PLA2G4C: variants seen among roughly 807,000 people sequenced by gnomAD.
PLA2G4C encodes cytosolic phospholipase A2 gamma.
A neutral mutation model predicts 73.8 loss-of-function variants in PLA2G4C; 64 were observed. The ratio of observed to expected loss-of-function variants is 0.87; its 90% CI spans 0.71 to 1.07. PLA2G4C has a LOEUF of 1.07. PLA2G4C is among the 50% of genes least tolerant of loss of function. The probability of loss-of-function intolerance (pLI) is 0.00; values close to 1 mark genes in which losing one functional copy is unlikely to be tolerated. For missense variants in PLA2G4C, 622 were observed against 665.4 expected, an observed-to-expected ratio of 0.93 and a Z score of 0.72; for synonymous variants, 254 against 252.1, an observed-to-expected ratio of 1.01 and a Z score of -0.07.
Position 48,055,035 on chromosome 19 carries a change from G to C in PLA2G4C, c.1272C>G (p.Thr424=). The C allele has an allele frequency of 6.2e-7, 1 of 1,609,220 alleles. No individual in the cohort carries two copies. The highest frequency in any genetic ancestry group is 8.5e-7 in the Non-Finnish European group (1 of 1,178,098). ...AGDPFETIRA[T]TDYCRRHKIP... Reference sequence around the variant, plus strand: ...TCTTGTGGCGGCGGCAGTAGTCAGTGGTAGCCCGGATGGTCTGAGAAGGAG... The same window carrying C: ...TCTTGTGGCGGCGGCAGTAGTCAGTCGTAGCCCGGATGGTCTGAGAAGGAG... Residue 424 remains threonine (T), a synonymous_variant, in exon 15 of 17, where the codon ACC becomes ACG. Coordinates refer to ENST00000599921, the MANE Select transcript of PLA2G4C (RefSeq NM_003706.3).
chr19:48,084,079 T>TGTGTGTGTGTGA (rs1230183341), intron 10 of PLA2G4C, among the ~76,000 whole-genome samples: 2 of 145,938 alleles, frequency 1.4e-5, no homozygotes, highest in South Asian at 2.2e-4. Context: ...TGTGTGTGTG[T>TGTGTGTGTGTGA]GATGGAGTCT....
chr19:48,076,009 A>C (rs1355924558), intron 11 of PLA2G4C, among the ~76,000 whole-genome samples: 1 of 152,240 alleles, frequency 6.6e-6, no homozygotes, highest in Non-Finnish European at 1.5e-5. Flanking sequence ...AACCCAGAAG[A>C]GGGTTCCCCA....
chr19:48,055,410 T>TATATATATATATATA (rs201946576), intron 14 of PLA2G4C, among the ~76,000 whole-genome samples: 14 of 148,338 alleles, frequency 9.4e-5, no homozygotes, highest in African/African-American at 3.1e-4. Context: ...TATATATATA[T>TATATATATATATATA]TTCAATTAGC....
chr19:48,095,094 C>T (rs1416564767), intron 7 of PLA2G4C, among the ~76,000 whole-genome samples: 1 of 152,022 alleles, frequency 6.6e-6, no homozygotes, highest in Non-Finnish European at 1.5e-5. Context: ...TGCTATGTTG[C>T]CGAGGTTGGT....
chr19:48,055,500 C>A (rs181861881), intron 14 of PLA2G4C, among the ~76,000 whole-genome samples: 1 of 151,478 alleles, frequency 6.6e-6, no homozygotes, highest in Non-Finnish European at 1.5e-5. Context: ...AGGAGCCCAA[C>A]GAGATATGTG....
At chr19:48,050,800 A>G (rs1967698587) in intron 16 of PLA2G4C, among the ~76,000 whole-genome samples, 2 of 150,222 alleles carry the variant, frequency 1.3e-5, no homozygotes, top group Non-Finnish European at 3.0e-5. Flanking sequence ...TCAGCCTCCT[A>G]AGGAGCTGGG....
intron 11 of PLA2G4C, 145 bp downstream of exon 11, chr19:48,077,626 C>T: frequency 1.8e-6 from 1 of 551,618 alleles, no homozygotes; most frequent in Non-Finnish European, 3.1e-6. Context: ...TGGCCTCAGG[C>T]ACCTGGGAGA....
Position 48,062,008 on chromosome 19 carries a change from T to C in PLA2G4C, c.1247A>G (p.Asp416Gly). 1.2e-6 allele frequency: 2 copies of C among 1,613,694 alleles called. No homozygotes were observed. The highest frequency in any genetic ancestry group is 1.7e-6 in the Non-Finnish European group (2 of 1,179,928). Reference sequence around the variant, plus strand: ...GCCCTTCTCGATTACCTCGAAAGGATCTCCGGCACTGAAGTCGAAGGAGAG... The same window carrying C: ...GCCCTTCTCGATTACCTCGAAAGGACCTCCGGCACTGAAGTCGAAGGAGAG... ...LILSFDFSAG[D>G]PFETIRATTD... The change falls in exon 14 of 17, where the codon GAT becomes GGT. Residue 416 changes from aspartate (D) to glycine (G), a missense_variant. Transcript: ENST00000599921.
rs1390871158 is a variant in PLA2G4C, at chr19:48,077,891, A to G, written c.845-67T>C. On this transcript the variant is annotated intron_variant, in intron 10 of 16. Coordinates refer to ENST00000599921, the MANE Select transcript of PLA2G4C (RefSeq NM_003706.3). The stretch of plus-strand genomic sequence containing the variant: ...TCACTAGTTATAGAAAATACAGATT[A>G]CCTGCAGCGACGTCTCTTTAATAGA... 10 of 1,275,030 alleles carry G rather than the reference A, an allele frequency of 7.8e-6. No homozygotes were observed. In the East Asian group the frequency reaches 2.3e-4, roughly 29 times the overall value. 79.0% of individuals were successfully genotyped at this position (1,275,030 alleles called of 1,614,324 possible).
At chr19:48,105,786 ACCTC>A (rs1178120580) in intron 2 of PLA2G4C, among the ~76,000 whole-genome samples, 17 of 103,688 alleles carry the variant, frequency 1.6e-4, no homozygotes, top group African/African-American at 3.9e-4. Flanking sequence ...ATGGTGACAT[ACCTC>A]CCTCCCTCCC....
At position 48,097,414 on chromosome 19, in the gene PLA2G4C, A is replaced by G. The variant is rs1318446682; in HGVS notation, c.568+725T>C. 1.6e-4 allele frequency among the ~76,000 whole-genome samples: 24 copies of G among 150,102 alleles called. No individual in the cohort carries two copies. The East Asian group carries it at 2.8e-3, about 18-fold the overall frequency. On this transcript the variant is annotated intron_variant, in intron 6 of 16. Transcript: ENST00000599921. ...ACTACAGGCGCCCGCCGCCACGCCC[A>G]GCTAATTTTTTGTATTTTTAGTAGA...
chr19:48,094,125 T>C (rs1243646263), intron 7 of PLA2G4C, among the ~76,000 whole-genome samples: 1 of 152,146 alleles, frequency 6.6e-6, no homozygotes, highest in Admixed American at 6.5e-5. Flanking sequence ...TCCATGATGC[T>C]TTTCCTCTAA....
intron 10 of PLA2G4C, among the ~76,000 whole-genome samples, chr19:48,083,937 T>C (rs373272713): frequency 3.3e-5 from 5 of 152,214 alleles, no homozygotes; most frequent in Admixed American, 6.5e-5. Flanking sequence ...TCACGCATCC[T>C]TTCCATGACC....
At chr19:48,095,414 T>TCTC in intron 7 of PLA2G4C, 50 bp downstream of exon 7, 2 of 1,577,402 alleles carry the variant, frequency 1.3e-6, no homozygotes, top group Non-Finnish European at 1.7e-6. Flanking sequence ...AATTCTTGCC[T>TCTC]CTCCTCCACT....
intron 1 of PLA2G4C, among the ~76,000 whole-genome samples, chr19:48,107,590 C>T (rs115204890): frequency 0.013 from 1,923 of 152,166 alleles, 45 homozygotes; most frequent in African/African-American, 0.043. Context: ...GCGTCAGTGC[C>T]TAGAGACCAG....
chr19:48,107,735 A>G (rs2032306634), intron 1 of PLA2G4C, among the ~76,000 whole-genome samples: 1 of 152,208 alleles, frequency 6.6e-6, no homozygotes, highest in African/African-American at 2.4e-5. Context: ...GCTGTGCTTC[A>G]GTGGTCACAC....
At position 48,095,579 on chromosome 19, in the gene PLA2G4C, G is replaced by A. The variant is rs1600238815; in HGVS notation, c.594C>T (p.His198=). The change falls in exon 7 of 17, where the codon CAC becomes CAT. Residue 198 remains histidine, a synonymous_variant. Coordinates refer to ENST00000599921, the MANE Select transcript of PLA2G4C (RefSeq NM_003706.3). ...CCCCCAGTGCAGAGAAGCCAGCGTG[G>A]TGAGGGGTGAACTCGAACCAGGTCT... ...APETWFEFTP[H]HAGFSALGAF... 8 of 1,613,998 alleles carry A rather than the reference G, an allele frequency of 5.0e-6. No individual in the cohort carries two copies. The East Asian group carries it at 1.1e-4, about 22-fold the overall frequency.
At chr19:48,051,237 G>A (rs548720317) in intron 16 of PLA2G4C, among the ~76,000 whole-genome samples, 218 of 152,270 alleles carry the variant, frequency 1.4e-3, no homozygotes, top group African/African-American at 4.9e-3. Context: ...TGGAGCCTCC[G>A]CAGGAGTTGG....
intron 2 of PLA2G4C, among the ~76,000 whole-genome samples, chr19:48,105,845 T>C (rs1263367631): frequency 1.6e-5 from 1 of 61,060 alleles, no homozygotes; most frequent in African/African-American, 7.5e-5. Context: ...CTCCCTTCCT[T>C]CCATCCTTCC....
Sources: gnomAD v4.1 joint callset for allele counts (sites outside exome capture counted in the v4.1 genomes callset) on GRCh38, gnomAD v4.1.1 for gene constraint, MANE v1.5 for transcripts, NCBI Gene and HGNC (gene_info 2026-07-23, HGNC 2026-07-21) for gene names.